Variants in PSG3 observed in about 807,000 individuals in gnomAD.
PSG3 encodes the protein pregnancy specific beta-1-glycoprotein 3.
Under a neutral mutation model 47.5 loss-of-function variants are expected in PSG3, and 61 were observed. The observed-to-expected ratio is 1.28, with a 90% CI of 1.05 to 1.59. The LOEUF is 1.59. PSG3 is among the 40% of genes most tolerant of loss of function. The pLI, the probability that PSG3 is intolerant of heterozygous loss-of-function variation, is 0.00. For missense variants in PSG3, 756 were observed against 524.0 expected (o/e 1.44, Z -4.32); for synonymous variants, 263 against 198.4 (o/e 1.33, Z -2.74).
intron 5 of PSG3, among the ~76,000 whole-genome samples, chr19:42,725,471 A>G (rs1053832077): frequency 3.3e-5 from 5 of 152,222 alleles, no homozygotes; most frequent in African/African-American, 9.6e-5. Flanking sequence ...AATGAAACCA[A>G]AAGTTGATTC....
chr19:42,725,354 G>T (rs1280002364), intron 5 of PSG3, among the ~76,000 whole-genome samples: 1 of 151,960 alleles, frequency 6.6e-6, no homozygotes, highest in South Asian at 2.1e-4. Flanking sequence ...TAATACTTCA[G>T]GATATGAAAG....
At chr19:42,724,235 C>T (rs1311292930) in intron 5 of PSG3, among the ~76,000 whole-genome samples, 1 of 152,032 alleles carries the variant, frequency 6.6e-6, no homozygotes, top group Non-Finnish European at 1.5e-5. Context: ...AGTCCTCTGT[C>T]AATTCTCTAC....
Position 42,732,874 on chromosome 19 carries a change from C to T in PSG3, c.619G>A (p.Val207Ile). The stretch of plus-strand genomic sequence containing the variant: ...TAGGGTCCTGCAGTGTACTTTGTGA[C>T]ACCAAATAGAAAGAGGGTCCTTTTG... ...KNKRTLFLFGVTKYTAGPYEC... is the reference protein window; with the variant it reads ...KNKRTLFLFGITKYTAGPYEC... The change falls in exon 3 of 7, where the codon GTC (valine) becomes ATC (isoleucine). Residue 207 changes from valine to isoleucine, a missense_variant. By Grantham distance (29) the Val-to-Ile change is conservative. Coordinates refer to ENST00000327495, the MANE Select transcript of PSG3 (RefSeq NM_021016.4). 1 of 1,614,154 alleles carries T rather than the reference C, an allele frequency of 6.2e-7. No homozygotes were observed. The highest frequency in any genetic ancestry group is 2.2e-5 in the East Asian group (1 of 44,882).
chr19:42,735,623 A>T (rs1326226324), intron 2 of PSG3, among the ~76,000 whole-genome samples: 2 of 152,204 alleles, frequency 1.3e-5, no homozygotes, highest in Non-Finnish European at 2.9e-5. Flanking sequence ...GGCCTCCCAA[A>T]GTCCTGGGAT....
Position 42,722,079 on chromosome 19 carries a change from G to C in PSG3, c.*52C>G, listed in dbSNP as rs571950017. 83 of 414,056 alleles carry C rather than the reference G, an allele frequency of 2.0e-4. No homozygotes were observed. Among genetic ancestry groups the C allele is most frequent in the Non-Finnish European group, 3.1e-4 (70 of 225,938 alleles). The allele number at this position is 414,056 out of a possible 1,614,324, so 25.6% of individuals were successfully genotyped here. Reference sequence around the variant, plus strand: ...GATGGTAAATACTTTGAGGAAGAATGAAAGCAACTGTCTGGGAATGACAAA... The same window carrying C: ...GATGGTAAATACTTTGAGGAAGAATCAAAGCAACTGTCTGGGAATGACAAA... On this transcript the variant is annotated 3_prime_UTR_variant, in exon 7 of 7. Transcript: ENST00000327495.
chr19:42,738,854 T>A lies in PSG3; in HGVS notation c.300A>T (p.Thr100=). ...IYGPAYSGRE[T]VYSNASLLIQ... ...TCAGCAGGGATGCATTGGAATATACTGTTTCTCGTCCACTGTATGCAGGCC... is the reference window on the plus strand; with the variant it reads ...TCAGCAGGGATGCATTGGAATATACAGTTTCTCGTCCACTGTATGCAGGCC... The change falls in exon 2 of 7, where the codon ACA becomes ACT. Residue 100 remains threonine (T), a synonymous_variant. Coordinates refer to ENST00000327495, the MANE Select transcript of PSG3 (RefSeq NM_021016.4). 6.2e-7 allele frequency: 1 copy of A among 1,614,160 alleles called. No individual in the cohort carries two copies. Among genetic ancestry groups the A allele is most frequent in the Non-Finnish European group, 8.5e-7 (1 of 1,180,000 alleles).
chr19:42,738,965 A>G lies in PSG3; in HGVS notation c.189T>C (p.Ala63=). ...TTTGCCCTTTGTACCAGATGTAGCC[A>G]GCAAGATTCTGGGGCAAATTGTGGA... ...LLVHNLPQNL[A]GYIWYKGQMK... is the part of the protein sequence containing the mutation. Residue 63 remains alanine, a synonymous_variant, in exon 2 of 7, where the codon GCT becomes GCC. Coordinates refer to ENST00000327495, the MANE Select transcript of PSG3 (RefSeq NM_021016.4). The G allele has an allele frequency of 6.2e-7, 1 of 1,614,090 alleles. No individual in the cohort carries two copies. The highest frequency in any genetic ancestry group is 1.1e-5 in the South Asian group (1 of 91,080).
At position 42,729,360 on chromosome 19, in the gene PSG3, T is replaced by C. The variant is rs1337736530; in HGVS notation, c.1006A>G (p.Arg336Gly). ...LNVLYGPDLP[R>G]IYPSFTYYHS... ...TAATAGGTGAATGAAGGGTAAATTC[T>C]GGGGAGGTCTGGACCATCTGGAGCA... The change falls in exon 5 of 7, where the codon AGA (arginine) becomes GGA (glycine). Residue 336 changes from arginine (R) to glycine (G), a missense_variant. Coordinates refer to ENST00000327495, the MANE Select transcript of PSG3 (RefSeq NM_021016.4). 6.2e-7 allele frequency: 1 copy of C among 1,613,698 alleles called. No homozygotes were observed. Among genetic ancestry groups the C allele is most frequent in the Non-Finnish European group, 8.5e-7 (1 of 1,179,754 alleles).
intron 5 of PSG3, among the ~76,000 whole-genome samples, chr19:42,727,205 C>T (rs998946415): frequency 6.6e-6 from 1 of 152,106 alleles, no homozygotes; most frequent in African/African-American, 2.4e-5. Flanking sequence ...CTGGATTTCA[C>T]AATGATTTCC....
chr19:42,740,250 T>C (rs1177185632), intron 1 of PSG3, 71 bp downstream of exon 1: 6 of 1,612,386 alleles, frequency 3.7e-6, no homozygotes, highest in African/African-American at 2.7e-5. Flanking sequence ...ACCCCAGGAG[T>C]CTCTCCAGGA....
Position 42,721,847 on chromosome 19 carries a change from A to G in PSG3, c.*284T>C, listed in dbSNP as rs1372509187. The G allele has an allele frequency of 2.4e-6, 1 of 413,322 alleles. No individual in the cohort carries two copies. The highest frequency in any genetic ancestry group is 4.4e-5 in the Admixed American group (1 of 22,718). 25.6% of individuals were successfully genotyped at this position (413,322 alleles called of 1,614,324 possible). A position where few individuals can be genotyped will look rare whatever the true frequency, so the allele number is the denominator to read the frequency against. ...GCACATTTTCAAATAGAAAATTATG[A>G]AAACATTGTTTTGACTATTTAGTCC... On this transcript the variant is annotated 3_prime_UTR_variant, in exon 7 of 7. Coordinates refer to ENST00000327495, the MANE Select transcript of PSG3 (RefSeq NM_021016.4).
chr19:42,723,764 G>C (rs1209058443), intron 6 of PSG3, among the ~76,000 whole-genome samples, 178 bp downstream of exon 6: 1 of 152,036 alleles, frequency 6.6e-6, no homozygotes, highest in Non-Finnish European at 1.5e-5. Flanking sequence ...AAGACAGTGG[G>C]GTACAGGGAG....
At chr19:42,724,585 C>A (rs1969346168) in intron 5 of PSG3, among the ~76,000 whole-genome samples, 1 of 152,174 alleles carries the variant, frequency 6.6e-6, no homozygotes, top group Non-Finnish European at 1.5e-5. Context: ...CTTGCAAAAA[C>A]TCTTATAATT....
rs1307765006 is a variant in PSG3, at chr19:42,729,111, G to C, written c.1243+12C>G. The stretch of plus-strand genomic sequence containing the variant: ...TAAAACTCTATTGCCAAGCATGCTG[G>C]GATCCACTTACCAGAGACTTTGACT... On this transcript the variant is annotated intron_variant, in intron 5 of 6. Transcript: ENST00000327495. The C allele has an allele frequency of 6.2e-7, 1 of 1,613,932 alleles. No individual in the cohort carries two copies. Among genetic ancestry groups the C allele is most frequent in the East Asian group, 2.2e-5 (1 of 44,884 alleles).
rs1359246224 is a variant in PSG3 at position 42,731,986 on chromosome 19, T to C, written c.709+798A>G. ...AAGAGTGAAGGGGACAGGCAAAAGC[T>C]GGTGGTTTTGGAGCAGAAACATATT... is the stretch of plus-strand genomic sequence containing the variant. On this transcript the variant is annotated intron_variant, in intron 3 of 6. Transcript: ENST00000327495. The C allele has an allele frequency of 2.6e-5, 4 of 151,894 alleles. No individual in the cohort carries two copies. In the East Asian group the frequency reaches 5.8e-4, roughly 22 times the overall value. The allele number at this position is 151,894 out of a possible 1,614,324, so 9.4% of individuals were successfully genotyped here. A position where few individuals can be genotyped will look rare whatever the true frequency, so the allele number is the denominator to read the frequency against.
chr19:42,726,317 AAAG>A (rs199829637), intron 5 of PSG3, among the ~76,000 whole-genome samples: 9,610 of 152,252 alleles, frequency 0.063, 322 homozygotes, highest in Middle Eastern at 0.12. Flanking sequence ...GAATTTAAAA[AAAG>A]ACGTTAAAAT....
intron 2 of PSG3, among the ~76,000 whole-genome samples, chr19:42,735,513 C>T (rs1969548846): frequency 6.6e-6 from 1 of 152,088 alleles, no homozygotes; most frequent in African/African-American, 2.4e-5. Flanking sequence ...ACTACAAGCG[C>T]CTGCCACCAC....
intron 6 of PSG3, among the ~76,000 whole-genome samples, chr19:42,723,567 C>A (rs188143188): frequency 2.0e-5 from 3 of 152,280 alleles, no homozygotes; most frequent in Non-Finnish European, 4.4e-5. Flanking sequence ...AGGAAGATTT[C>A]AAAGTCTGGA....
intron 6 of PSG3, among the ~76,000 whole-genome samples, chr19:42,722,735 G>A (rs896299237): frequency 6.6e-6 from 1 of 151,958 alleles, no homozygotes; most frequent in Admixed American, 6.6e-5. Flanking sequence ...CATAAATAGG[G>A]CCAAAAAAGT....
Sources: gnomAD v4.1 joint callset for allele counts (sites outside exome capture counted in the v4.1 genomes callset) on GRCh38, gnomAD v4.1.1 for gene constraint, MANE v1.5 for transcripts, NCBI Gene and HGNC (gene_info 2026-07-23, HGNC 2026-07-21) for gene names.